POT1: variants seen among roughly 807,000 people sequenced by gnomAD.
POT1 encodes the protein protection of telomeres protein 1.
In POT1, 47 loss-of-function variants were observed where a neutral mutation model predicts 78.5. That is an observed-to-expected ratio of 0.60 (90% CI 0.47 to 0.76). The LOEUF is 0.76. Among genes scored for constraint, POT1 ranks in the 30% least tolerant of loss-of-function variants. The pLI, the probability that POT1 is intolerant of heterozygous loss-of-function variation, is 0.00. For missense variants in POT1, 646 were observed against 749.9 expected (o/e 0.86, Z 1.62); for synonymous variants, 259 against 260.7 (o/e 0.99, Z 0.06).
Position 124,841,048 on chromosome 7 carries a change from G to A in POT1, c.1294C>T (p.Arg432Ter), listed in dbSNP as rs758341603. 5 of 1,612,168 alleles carry A rather than the reference G, an allele frequency of 3.1e-6. No homozygotes were observed. Among genetic ancestry groups the A allele is most frequent in the South Asian group, 2.2e-5 (2 of 91,018 alleles). Residue 432 changes from arginine to a stop codon, truncating the protein, a stop_gained, in exon 14 of 19, where the codon CGA (arginine) becomes TGA (stop). Coordinates refer to ENST00000357628, the MANE Select transcript of POT1 (RefSeq NM_015450.3). LOFTEE classifies it high-confidence loss of function. The stretch of plus-strand genomic sequence containing the variant: ...TTCACAAAATGAACTGCTACTTTTC[G>A]TCCTTTTTGATTTTTAGTGGTCCAG... ...KIWTTKNQKG[R>*]KVAVHFVKNN...
chr7:124,893,111 T>C (rs918709080), intron 5 of POT1, among the ~76,000 whole-genome samples: 2 of 151,422 alleles, frequency 1.3e-5, no homozygotes, highest in African/African-American at 4.8e-5. Context: ...AGTTAGTATA[T>C]CCCTAGCTTA....
intron 3 of POT1, among the ~76,000 whole-genome samples, chr7:124,900,501 G>GTT (rs1204808914): frequency 6.6e-6 from 1 of 152,038 alleles, no homozygotes; most frequent in African/African-American, 2.4e-5. Context: ...TTAAAGTCCT[G>GTT]TAAGTTCCTT....
chr7:124,888,724 A>G (rs1371676885), intron 6 of POT1, among the ~76,000 whole-genome samples: 1 of 152,006 alleles, frequency 6.6e-6, no homozygotes, highest in Non-Finnish European at 1.5e-5. Flanking sequence ...AATCCTCACA[A>G]TACTTCAGAC....
In POT1 at chr7:124,853,151, TC is replaced by T; in HGVS notation, c.703-14del. On this transcript the variant is annotated splice_polypyrimidine_tract_variant and intron_variant, in intron 9 of 18. Coordinates refer to ENST00000357628, the MANE Select transcript of POT1 (RefSeq NM_015450.3). ...GAAAGCTTCCAACCTAAAAAATAGA[TC>T]ATTTGTTATTTAGAAAGTGGGGAAA... 6.5e-7 allele frequency: 1 copy of T among 1,535,360 alleles called. No individual in the cohort carries two copies. The highest frequency in any genetic ancestry group is 8.9e-7 in the Non-Finnish European group (1 of 1,127,214).
intron 3 of POT1, among the ~76,000 whole-genome samples, chr7:124,907,062 T>C (rs995635497): frequency 4.6e-5 from 7 of 152,016 alleles, no homozygotes; most frequent in Admixed American, 1.3e-4. Context: ...TTTAACTCAA[T>C]TGGGTGAAAA....
chr7:124,827,293 A>G lies in POT1; in HGVS notation c.1607T>C (p.Val536Ala), dbSNP rs761551156. The change falls in exon 17 of 19, where the codon GTA becomes GCA. Residue 536 changes from valine (V) to alanine (A), a missense_variant. By Grantham distance (64) the Val-to-Ala change is moderately conservative (BLOSUM62 0). This residue lies in a region of POT1 where 394 missense variants were observed against 408.4 expected (regional missense o/e 0.96). Transcript: ENST00000357628. The stretch of plus-strand genomic sequence containing the variant: ...CATAACAAACACATATTGGAGGGGT[A>G]CAATACCCAGTGCTAGTGAAGGAAA... ...PSSVAEALGIVPLQYVFVMTF... is the reference protein window; with the variant it reads ...PSSVAEALGIAPLQYVFVMTF... 2 of 1,582,168 alleles carry G rather than the reference A, an allele frequency of 1.3e-6. No homozygotes were observed. The highest frequency in any genetic ancestry group is 4.5e-5 in the East Asian group (2 of 44,218).
chr7:124,899,817 C>A (rs2116650506), intron 3 of POT1, among the ~76,000 whole-genome samples: 1 of 152,190 alleles, frequency 6.6e-6, no homozygotes, highest in Admixed American at 6.5e-5. Flanking sequence ...ACACCAAATG[C>A]AAATGTTAGA....
At chr7:124,863,880 T>G (rs1795659509) in intron 7 of POT1, among the ~76,000 whole-genome samples, 1 of 152,164 alleles carries the variant, frequency 6.6e-6, no homozygotes, top group East Asian at 1.9e-4. Flanking sequence ...TCACTTACAT[T>G]TTTTAAAGAG....
chr7:124,853,824 T>A (rs553431941), intron 9 of POT1, among the ~76,000 whole-genome samples: 7 of 152,200 alleles, frequency 4.6e-5, no homozygotes, highest in African/African-American at 1.7e-4. Flanking sequence ...TATAGACCAC[T>A]GAGATTTTTC....
chr7:124,844,126 G>GT (rs34848715), intron 12 of POT1, among the ~76,000 whole-genome samples: 31,322 of 127,052 alleles, frequency 0.25, 4,335 homozygotes, highest in Non-Finnish European at 0.32. Flanking sequence ...GGCGATTGTG[G>GT]TTTTTTTTTT....
chr7:124,885,633 G>A (rs1796226532), intron 6 of POT1, among the ~76,000 whole-genome samples: 1 of 152,068 alleles, frequency 6.6e-6, no homozygotes, highest in Non-Finnish European at 1.5e-5. Context: ...AGGCGTGGTG[G>A]CTGGTGCCTG....
Position 124,863,458 on chromosome 7 carries a change from C to A in POT1, c.438G>T (p.Pro146=). ...LRVWASTHMS[P]SWTLLKLCDV... Reference sequence around the variant, plus strand: ...CACACAATTTTAGTAATGTCCAAGACGGTGACATATGAGTAGATGCCCAAA... The same window carrying A: ...CACACAATTTTAGTAATGTCCAAGAAGGTGACATATGAGTAGATGCCCAAA... The change falls in exon 8 of 19, where the codon CCG becomes CCT. Residue 146 remains proline, a synonymous_variant. Coordinates refer to ENST00000357628, the MANE Select transcript of POT1 (RefSeq NM_015450.3). The A allele has an allele frequency of 6.2e-7, 1 of 1,613,942 alleles. No homozygotes were observed. Among genetic ancestry groups the A allele is most frequent in the East Asian group, 2.2e-5 (1 of 44,868 alleles).
chr7:124,903,833 G>A (rs1379715411), intron 3 of POT1, among the ~76,000 whole-genome samples: 1 of 152,096 alleles, frequency 6.6e-6, no homozygotes, highest in Non-Finnish European at 1.5e-5. Context: ...TGATAAAGGG[G>A]ATATCACCAC....
chr7:124,843,227 T>C, intron 12 of POT1: 1 of 251,844 alleles, frequency 4.0e-6, no homozygotes, highest in Non-Finnish European at 7.5e-6. Context: ...AACTGCCTAG[T>C]AAGCATTCAA....
In POT1 at chr7:124,822,537, T is replaced by C; in HGVS notation, c.*1425A>G. On this transcript the variant is annotated 3_prime_UTR_variant, in exon 19 of 19. Transcript: ENST00000357628. ...TGGCACCTTTGGACCTCTACTCTTC[T>C]AGATTGAGGGCTTCCTGAAGGCAGA... 2.2e-6 allele frequency: 1 copy of C among 455,960 alleles called. No individual in the cohort carries two copies. 28.2% of individuals were successfully genotyped at this position (455,960 alleles called of 1,614,324 possible). A position where few individuals can be genotyped will look rare whatever the true frequency, so the allele number is the denominator to read the frequency against.
At chr7:124,859,496 C>A (rs1307354797) in intron 8 of POT1, among the ~76,000 whole-genome samples, 1 of 151,994 alleles carries the variant, frequency 6.6e-6, no homozygotes, top group Non-Finnish European at 1.5e-5. Context: ...ATACATTTGA[C>A]ATTAATCAAA....
At chr7:124,914,142 A>AAC (rs1796958160) in intron 3 of POT1, among the ~76,000 whole-genome samples, 1 of 151,240 alleles carries the variant, frequency 6.6e-6, no homozygotes, top group Non-Finnish European at 1.5e-5. Flanking sequence ...CTCAGAAAAA[A>AAC]AAAAAAAAAA....
chr7:124,853,785 G>C (rs190032080), intron 9 of POT1, among the ~76,000 whole-genome samples: 74 of 152,126 alleles, frequency 4.9e-4, no homozygotes, highest in Middle Eastern at 3.4e-3. Context: ...CAGATGTTTT[G>C]CTAAACTTAG....
chr7:124,830,085 C>T (rs73223541), intron 15 of POT1, among the ~76,000 whole-genome samples: 205 of 152,186 alleles, frequency 1.3e-3, no homozygotes, highest in Non-Finnish European at 2.1e-3. Context: ...ATGCAAGATT[C>T]TAGATAATTA....
Sources: allele counts gnomAD v4.1 joint callset (sites outside exome capture counted in the v4.1 genomes callset), GRCh38; gene constraint gnomAD v4.1.1; regional missense constraint gnomAD v4.1.1; transcripts MANE v1.5; gene names NCBI Gene and HGNC (gene_info 2026-07-23, HGNC 2026-07-21).